Variants in CLSPN observed in about 807,000 individuals in gnomAD.
CLSPN encodes the protein claspin homolog.
Under a neutral mutation model 156.3 loss-of-function variants are expected in CLSPN, and 85 were observed. The ratio of observed to expected loss-of-function variants is 0.54; its 90% CI spans 0.46 to 0.65. The LOEUF (loss-of-function observed/expected upper bound fraction) is 0.65. Among genes scored for constraint, CLSPN ranks in the 30% least tolerant of loss-of-function variants. The pLI, the probability that CLSPN is intolerant of heterozygous loss-of-function variation, is 0.00. For missense variants in CLSPN, 1,407 were observed against 1,554.9 expected, an observed-to-expected ratio of 0.90 and a Z score of 1.60; for synonymous variants, 534 against 542.4, an observed-to-expected ratio of 0.98 and a Z score of 0.22.
rs1010916423 is a variant in CLSPN, at chr1:35,746,562, T to A, written c.2854+204A>T. Among the ~76,000 whole-genome samples, 8 of 137,138 alleles carry A rather than the reference T, an allele frequency of 5.8e-5. No homozygotes were observed. In the East Asian group the frequency reaches 1.5e-3, roughly 25 times the overall value. The allele number at this position is 137,138 out of a possible 152,430, so 90.0% of individuals were successfully genotyped here. A position where few individuals can be genotyped will look rare whatever the true frequency, so the allele number is the denominator to read the frequency against. Reference sequence around the variant, plus strand: ...GGCACGTGCCACCATGCCTGGCTAATTTTTTTTTTTTTTTTCGTAGAGATG... The same window carrying A: ...GGCACGTGCCACCATGCCTGGCTAAATTTTTTTTTTTTTTTCGTAGAGATG... On this transcript the variant is annotated intron_variant, in intron 15 of 24. Transcript: ENST00000318121. This position sits in a 1 kb window ranked among gnomAD's most constrained non-coding sequence, Gnocchi z 4.2.
chr1:35,720,833 G>A (rs768399808), exon 25 of CLSPN: 21 of 1,244,994 alleles, frequency 1.7e-5, no homozygotes, highest in Non-Finnish European at 2.5e-5. Flanking sequence ...GTCATCAATT[G>A]TTTGTTCTGC....
intron 16 of CLSPN, 60 bp from the exon 17 acceptor site, chr1:35,743,590 G>A: frequency 7.3e-7 from 1 of 1,372,588 alleles, no homozygotes. Context: ...CAAGTAGTCA[G>A]CCAAGTTATG....
At chr1:35,730,567 TAAA>T (rs56320150), downstream of CLSPN, among the ~76,000 whole-genome samples, 3 of 62,024 alleles carry the variant, frequency 4.8e-5, no homozygotes, top group Admixed American at 1.9e-4. Context: ...GAATCCATAT[TAAA>T]AAAAAAAAAA....
At chr1:35,749,356 C>G (rs1390750304) in intron 12 of CLSPN, 111 bp downstream of exon 12, 1 of 983,898 alleles carries the variant, frequency 1.0e-6, no homozygotes, top group Non-Finnish European at 1.5e-6. Flanking sequence ...ACATATGAAA[C>G]TGGGAAGTGA....
chr1:35,764,180 A>G (rs1240345651), intron 3 of CLSPN, 86 bp downstream of exon 3: 12 of 765,288 alleles, frequency 1.6e-5, no homozygotes, highest in Non-Finnish European at 2.3e-5. Flanking sequence ...ATAGTCAGAG[A>G]GCAGAAACAA....
At chr1:35,747,792 C>T (rs1641941898) in intron 14 of CLSPN, 115 bp downstream of exon 14, 1 of 1,010,242 alleles carries the variant, frequency 9.9e-7, no homozygotes. Flanking sequence ...GTCTGTACAC[C>T]TTCTCTTTCT....
At chr1:35,720,378 T>A (rs774427352) in exon 25 of CLSPN, 2 of 151,936 alleles carry the variant, frequency 1.3e-5, no homozygotes, top group Non-Finnish European at 2.9e-5. Context: ...GGCCTAAGTC[T>A]TCTCCCTTCC....
Position 35,737,381 on chromosome 1 carries a change from G to A in CLSPN, c.3705C>T (p.Leu1235=). The A allele has an allele frequency of 1.2e-6, 2 of 1,614,020 alleles. No individual in the cohort carries two copies. ...PMVIQESKSL[L]RNPFEAIRPG... is the part of the protein sequence containing the mutation. ...GTCTGATGGCTTCAAAAGGATTTCT[G>A]AGCAAAGACTTTGATTCCTGAATAA... is the stretch of plus-strand genomic sequence containing the variant. The change falls in exon 23 of 25, where the codon CTC becomes CTT. Residue 1235 remains leucine (L), a synonymous_variant. Transcript: ENST00000318121.
chr1:35,725,699 G>A (rs140300644), intron 24 of CLSPN, among the ~76,000 whole-genome samples: 172 of 152,232 alleles, frequency 1.1e-3, no homozygotes, highest in African/African-American at 4.0e-3. Flanking sequence ...CCGGTGGCTC[G>A]TGCGGAGGGG....
At chr1:35,749,877 G>C (rs1042278353) in intron 10 of CLSPN, 66 bp from the exon 11 acceptor site, 11 of 1,538,236 alleles carry the variant, frequency 7.2e-6, no homozygotes, top group Non-Finnish European at 7.9e-6. Context: ...AAATACACTG[G>C]TAGCCTGAAA....
At chr1:35,761,561 T>C (rs916587208) in intron 6 of CLSPN, among the ~76,000 whole-genome samples, 1 of 152,230 alleles carries the variant, frequency 6.6e-6, no homozygotes, top group Non-Finnish European at 1.5e-5. Flanking sequence ...CAGATGGTAC[T>C]AAACCATGCA....
chr1:35,732,978 T>C lies in CLSPN; in HGVS notation c.*3518A>G, dbSNP rs968624954. The C allele has an allele frequency of 1.4e-4, 142 of 984,640 alleles. No homozygotes were observed. The highest frequency in any genetic ancestry group is 1.7e-4 in the Non-Finnish European group (140 of 829,346). 61.0% of individuals were successfully genotyped at this position (984,640 alleles called of 1,614,324 possible). On this transcript the variant is annotated 3_prime_UTR_variant, in exon 25 of 25. Coordinates refer to ENST00000318121, the MANE Select transcript of CLSPN (RefSeq NM_022111.4). Reference sequence around the variant, plus strand: ...AAACCATTTTCTTTCTTTCTTTTTTTTTTTGAGAGGGAGTCTCACTCTGTC... The same window carrying C: ...AAACCATTTTCTTTCTTTCTTTTTTCTTTTGAGAGGGAGTCTCACTCTGTC...
chr1:35,736,043 C>T lies in CLSPN; in HGVS notation c.*453G>A, dbSNP rs888329473. The T allele has an allele frequency of 4.6e-6, 3 of 654,916 alleles. No individual in the cohort carries two copies. The highest frequency in any genetic ancestry group is 6.3e-5 in the Admixed American group (1 of 15,828). 40.6% of individuals were successfully genotyped at this position (654,916 alleles called of 1,614,324 possible). A position where few individuals can be genotyped will look rare whatever the true frequency, so the allele number is the denominator to read the frequency against. Reference sequence around the variant, plus strand: ...GACCAGCCTGGCCAACATGGTGAAACCCCGTCTCTACTAAAAATACAAAAA... The same window carrying T: ...GACCAGCCTGGCCAACATGGTGAAATCCCGTCTCTACTAAAAATACAAAAA... On this transcript the variant is annotated 3_prime_UTR_variant, in exon 25 of 25. Transcript: ENST00000318121.
intron 24 of CLSPN, 149 bp downstream of exon 24, chr1:35,736,765 T>A (rs1467852975): frequency 2.3e-6 from 3 of 1,296,972 alleles, no homozygotes; most frequent in Non-Finnish European, 2.1e-6. Flanking sequence ...GATTACCGAC[T>A]GGGGTAGCAA....
Position 35,763,244 on chromosome 1 carries a change from C to T in CLSPN, c.660G>A (p.Glu220=), listed in dbSNP as rs1293541040. 1.2e-6 allele frequency: 2 copies of T among 1,609,462 alleles called. No homozygotes were observed. Among genetic ancestry groups the T allele is most frequent in the East Asian group, 2.2e-5 (1 of 44,536 alleles). Residue 220 remains glutamate, a synonymous_variant, in exon 4 of 25, where the codon GAG becomes GAA. Transcript: ENST00000318121. ...CTTCCAATGGAGAGTTATTTTCATC[C>T]TCCAACCCAGTTTCAAAAAGGTCTT... is the stretch of plus-strand genomic sequence containing the variant. ...VDKDLFETGL[E]DENNSPLEDE...
At chr1:35,739,564 A>G (rs770219272) in intron 18 of CLSPN, 35 bp from the exon 19 acceptor site, 58 of 1,553,534 alleles carry the variant, frequency 3.7e-5, no homozygotes, top group Non-Finnish European at 4.7e-5. Flanking sequence ...AAAATGCAAC[A>G]ATGAATATAC....
intron 17 of CLSPN, 59 bp from the exon 18 acceptor site, chr1:35,743,300 A>C: frequency 6.9e-7 from 1 of 1,448,824 alleles, no homozygotes; most frequent in Middle Eastern, 1.8e-4. Context: ...CAATGAAAAA[A>C]GGATTTATAA....
intron 24 of CLSPN, among the ~76,000 whole-genome samples, chr1:35,726,910 C>T (rs945096606): frequency 6.6e-5 from 10 of 152,150 alleles, no homozygotes; most frequent in African/African-American, 1.9e-4. Flanking sequence ...GGAGGGTGAA[C>T]ACCCTAAGGG....
chr1:35,745,177 ACT>A (rs573724866), intron 16 of CLSPN, among the ~76,000 whole-genome samples: 5 of 151,102 alleles, frequency 3.3e-5, no homozygotes, highest in Non-Finnish European at 7.4e-5. Context: ...TCTCACTAAC[ACT>A]CTTGGGGTTT....
Sources: gnomAD v4.1 joint callset for allele counts (sites outside exome capture counted in the v4.1 genomes callset) on GRCh38, gnomAD v4.1.1 for gene constraint, Gnocchi (gnomAD v3.1) non-coding constraint, MANE v1.5 for transcripts, NCBI Gene and HGNC (gene_info 2026-07-23, HGNC 2026-07-21) for gene names.